SEPTIN9: variants seen among roughly 807,000 people sequenced by gnomAD.
SEPTIN9 encodes the protein septin 9, also known as septin-9.
Under a neutral mutation model 56.6 loss-of-function variants are expected in SEPTIN9, and 13 were observed. The ratio of observed to expected loss-of-function variants is 0.23; its 90% CI spans 0.15 to 0.37. SEPTIN9 has a LOEUF of 0.37. Ranked by LOEUF, SEPTIN9 falls within the 10% of genes least tolerant of loss-of-function variation. The pLI is 1.00. For synonymous variants in SEPTIN9, 332 were observed against 334.1 expected, an observed-to-expected ratio of 0.99 and a Z score of 0.07; for missense variants, 650 against 823.1, an observed-to-expected ratio of 0.79 and a Z score of 2.57.
intron 1 of SEPTIN9, among the ~76,000 whole-genome samples, chr17:77,305,923 G>A (rs2032243457): frequency 8.0e-6 from 1 of 125,076 alleles, no homozygotes; most frequent in Non-Finnish European, 1.7e-5. Context: ...TGGGTGGGTG[G>A]GTGGATGGAT....
chr17:77,431,225 C>T (rs2037120573), intron 3 of SEPTIN9, among the ~76,000 whole-genome samples: 1 of 152,010 alleles, frequency 6.6e-6, no homozygotes, highest in Non-Finnish European at 1.5e-5. Flanking sequence ...AGGAGGATTG[C>T]TTGAGTTAGG....
At position 77,334,421 on chromosome 17, in the gene SEPTIN9, CAA is replaced by C. The variant is rs34122443; in HGVS notation, c.76+27244_76+27245del. On this transcript the variant is annotated intron_variant, in intron 2 of 11. Coordinates refer to ENST00000427177, the MANE Select transcript of SEPTIN9 (RefSeq NM_001113491.2). ...TAGGTGACAGAGCAAGACTCTGTCT[CAA>C]AAAAAAAAAAAAAAAAAAATGTTGT... is the stretch of plus-strand genomic sequence containing the variant. Among the ~76,000 whole-genome samples, 551 of 92,254 alleles carry C rather than the reference CAA, an allele frequency of 6.0e-3. 4 individuals are homozygous for C. Among genetic ancestry groups the C allele is most frequent in the African/African-American group, 0.017 (397 of 23,882 alleles). 60.5% of individuals were successfully genotyped at this position (92,254 alleles called of 152,430 possible). A position where few individuals can be genotyped will look rare whatever the true frequency, so the allele number is the denominator to read the frequency against.
At position 77,326,043 on chromosome 17, in the gene SEPTIN9, C is replaced by G. The variant is rs1404784732; in HGVS notation, c.76+18846C>G. ...CTGGTGCTCTAGGTTGGCTTGTCAC[C>G]CCTGGAAGCACTTGCCATCCTTATA... is the stretch of plus-strand genomic sequence containing the variant. On this transcript the variant is annotated intron_variant, in intron 2 of 11. Transcript: ENST00000427177. The surrounding 1 kb of genome is among the most constrained non-coding windows in gnomAD (Gnocchi z 5.1). 6.6e-6 allele frequency among the ~76,000 whole-genome samples: 1 copy of G among 152,090 alleles called. No homozygotes were observed. The highest frequency in any genetic ancestry group is 1.5e-5 in the Non-Finnish European group (1 of 68,014).
intron 2 of SEPTIN9, among the ~76,000 whole-genome samples, chr17:77,343,139 G>A (rs2033791107): frequency 6.6e-6 from 1 of 152,138 alleles, no homozygotes; most frequent in Admixed American, 6.5e-5. Context: ...GAGGCGACTG[G>A]TGGCTGGAGG....
chr17:77,448,337 A>C (rs559125481), intron 3 of SEPTIN9, among the ~76,000 whole-genome samples: 1 of 152,024 alleles, frequency 6.6e-6, no homozygotes, highest in Non-Finnish European at 1.5e-5. Flanking sequence ...GCCGCCGGAC[A>C]TGGTGGTGTA....
In SEPTIN9 at chr17:77,440,084, A is replaced by G. The variant is rs765286871; in HGVS notation, c.721+37381A>G. Among the ~76,000 whole-genome samples, 67 of 152,218 alleles carry G rather than the reference A, an allele frequency of 4.4e-4. 1 individual carries two copies. The highest frequency in any genetic ancestry group is 8.5e-4 in the Non-Finnish European group (58 of 68,042). On this transcript the variant is annotated intron_variant, in intron 3 of 11. Coordinates refer to ENST00000427177, the MANE Select transcript of SEPTIN9 (RefSeq NM_001113491.2). ...GAAGAGATGACTTGGGGAGTCCTCCAGTTCCCATTTGTAACTGGCACATTG... is the reference window on the plus strand; with the variant it reads ...GAAGAGATGACTTGGGGAGTCCTCCGGTTCCCATTTGTAACTGGCACATTG...
In SEPTIN9 at chr17:77,445,053, C is replaced by T. The variant is rs1442809348; in HGVS notation, c.722-37091C>T. 1 of 389,636 alleles carries T rather than the reference C, an allele frequency of 2.6e-6. No homozygotes were observed. Among genetic ancestry groups the T allele is most frequent in the Non-Finnish European group, 5.3e-6 (1 of 187,338 alleles). The allele number at this position is 389,636 out of a possible 1,614,324, so 24.1% of individuals were successfully genotyped here. On this transcript the variant is annotated intron_variant, in intron 3 of 11. Coordinates refer to ENST00000427177, the MANE Select transcript of SEPTIN9 (RefSeq NM_001113491.2). This position sits in a 1 kb window ranked among gnomAD's most constrained non-coding sequence, Gnocchi z 4.7. ...ACAGCCCAGCAGCTGCGCTGCCTCA[C>T]AGAAAATGTGCAGAGGCCCCTCTGT...
chr17:77,431,435 A>G (rs1266146585), intron 3 of SEPTIN9, among the ~76,000 whole-genome samples: 6 of 152,252 alleles, frequency 3.9e-5, no homozygotes, highest in Non-Finnish European at 7.3e-5. Flanking sequence ...TGCGTCCTCC[A>G]GACAAACACT....
At chr17:77,354,787 A>C (rs1341231540) in intron 2 of SEPTIN9, among the ~76,000 whole-genome samples, 1 of 151,980 alleles carries the variant, frequency 6.6e-6, no homozygotes, top group Non-Finnish European at 1.5e-5. Context: ...AGGGCGGTGC[A>C]ATCGTGACGC....
intron 1 of SEPTIN9, chr17:77,294,426 A>G (rs1264089649): frequency 1.3e-5 from 2 of 154,610 alleles, no homozygotes; most frequent in African/African-American, 4.8e-5. Context: ...TCTCAAAAAT[A>G]AATAAATAAA....
Position 77,490,599 on chromosome 17 carries a change from C to T in SEPTIN9, c.1263-143C>T, listed in dbSNP as rs387688. The T allele has an allele frequency of 0.33, 224,637 of 673,302 alleles. 41,186 individuals carry two copies. Among genetic ancestry groups the T allele is most frequent in the Middle Eastern group, 0.5 (1,379 of 2,762 alleles). The allele number at this position is 673,302 out of a possible 1,614,324, so 41.7% of individuals were successfully genotyped here. A position where few individuals can be genotyped will look rare whatever the true frequency, so the allele number is the denominator to read the frequency against. ...CCCCACACTCACAGCGTGGCCGACT[C>T]GGCCCGGGGCCCTGTCCTTGCCAGC... On this transcript the variant is annotated intron_variant, in intron 7 of 11. Transcript: ENST00000427177.
intron 2 of SEPTIN9, among the ~76,000 whole-genome samples, chr17:77,361,278 G>C (rs925045734): frequency 6.6e-6 from 1 of 152,288 alleles, no homozygotes; most frequent in African/African-American, 2.4e-5. Flanking sequence ...ACTGATGTCT[G>C]TGTCAATAGG....
intron 3 of SEPTIN9, among the ~76,000 whole-genome samples, chr17:77,414,270 G>T (rs1413206897): frequency 6.6e-6 from 1 of 151,768 alleles, no homozygotes; most frequent in African/African-American, 2.4e-5. Flanking sequence ...TAGAGACGGG[G>T]TTTCTCCATG....
At chr17:77,496,940 C>T (rs886822170) in intron 10 of SEPTIN9, 7 of 301,810 alleles carry the variant, frequency 2.3e-5, no homozygotes, top group East Asian at 1.4e-4. Context: ...CCTGCTGGGA[C>T]GTCCTGCTCT....
chr17:77,311,043 T>A (rs535215806), intron 2 of SEPTIN9, among the ~76,000 whole-genome samples: 3 of 152,246 alleles, frequency 2.0e-5, no homozygotes, highest in South Asian at 4.1e-4. Context: ...TGTAAGTAGT[T>A]AAGGATCTTG....
rs148063826 is a variant in SEPTIN9, at chr17:77,449,791, G to A, written c.722-32353G>A. Among the ~76,000 whole-genome samples the A allele has an allele frequency of 6.3e-3, 953 of 152,294 alleles. 10 individuals carry two copies. The highest frequency in any genetic ancestry group is 0.022 in the African/African-American group (919 of 41,544). On this transcript the variant is annotated intron_variant, in intron 3 of 11. Coordinates refer to ENST00000427177, the MANE Select transcript of SEPTIN9 (RefSeq NM_001113491.2). This position sits in a 1 kb window ranked among gnomAD's most constrained non-coding sequence, Gnocchi z 4.6. ...CCAGTGCTGGGGAAATTAGCTTCTT[G>A]GAGGAAGGGGGAGCTGTATTTTCTG...
Position 77,492,821 on chromosome 17 carries a change from G to A in SEPTIN9, c.1476+105G>A. 1.6e-6 allele frequency: 2 copies of A among 1,267,876 alleles called. No individual in the cohort carries two copies. The highest frequency in any genetic ancestry group is 1.7e-5 in the Admixed American group (1 of 58,878). 78.5% of individuals were successfully genotyped at this position (1,267,876 alleles called of 1,614,324 possible). On this transcript the variant is annotated intron_variant, in intron 9 of 11. Coordinates refer to ENST00000427177, the MANE Select transcript of SEPTIN9 (RefSeq NM_001113491.2). The surrounding 1 kb of genome is among the most constrained non-coding windows in gnomAD (Gnocchi z 5.4). Reference sequence around the variant, plus strand: ...TAAGCCATGAAATTATATTCTTGGGGCCAGAGGGCACTGAGCCCAGGTGTC... The same window carrying A: ...TAAGCCATGAAATTATATTCTTGGGACCAGAGGGCACTGAGCCCAGGTGTC...
intron 1 of SEPTIN9, among the ~76,000 whole-genome samples, chr17:77,301,247 G>A (rs2032039928): frequency 6.6e-6 from 1 of 152,096 alleles, no homozygotes; most frequent in Non-Finnish European, 1.5e-5. Flanking sequence ...AATAGAGATG[G>A]GGTCTTGCTG....
intron 2 of SEPTIN9, among the ~76,000 whole-genome samples, chr17:77,363,069 G>A (rs1010958970): frequency 6.6e-6 from 1 of 152,218 alleles, no homozygotes; most frequent in Non-Finnish European, 1.5e-5. Context: ...GAGATCGGCG[G>A]CCCCGGCCTT....
Sources: allele counts gnomAD v4.1 joint callset (sites outside exome capture counted in the v4.1 genomes callset), GRCh38; gene constraint gnomAD v4.1.1; non-coding constraint Gnocchi (gnomAD v3.1); transcripts MANE v1.5; gene names NCBI Gene and HGNC (gene_info 2026-07-23, HGNC 2026-07-21).